FLYWCH1: variants seen among roughly 807,000 people sequenced by gnomAD.
The protein encoded by FLYWCH1 is FLYWCH-type zinc finger 1, also known as FLYWCH-type zinc finger-containing protein 1.
Under a neutral mutation model 66.4 loss-of-function variants are expected in FLYWCH1, and 75 were observed. The observed-to-expected ratio is 1.13, with a 90% confidence interval of 0.94 to 1.37. The LOEUF (loss-of-function observed/expected upper bound fraction) is 1.37. FLYWCH1 is among the 40% of genes most tolerant of loss of function. FLYWCH1 has a pLI of 0.00. For missense variants in FLYWCH1, 1,334 were observed against 1,001.8 expected (o/e 1.33, Z -4.48); for synonymous variants, 595 against 429.9 (o/e 1.38, Z -4.75).
chr16:2,939,780 G>T (rs1326365821), intron 8 of FLYWCH1: 3 of 409,088 alleles, frequency 7.3e-6, no homozygotes, highest in African/African-American at 4.1e-5. Flanking sequence ...TGGAGGCCTG[G>T]CCTTTCATCT....
intron 2 of FLYWCH1, among the ~76,000 whole-genome samples, chr16:2,914,875 C>A (rs569297105): frequency 2.7e-5 from 4 of 146,710 alleles, no homozygotes; most frequent in Non-Finnish European, 6.0e-5. Context: ...AGCCACTGCA[C>A]TCCAGCCTGG....
intron 4 of FLYWCH1, 36 bp from the exon 5 acceptor site, chr16:2,933,094 C>A: frequency 6.3e-7 from 1 of 1,580,470 alleles, no homozygotes; most frequent in Non-Finnish European, 8.6e-7. Flanking sequence ...CTCCTCTCCA[C>A]CCCTGGTGAT....
intron 2 of FLYWCH1, among the ~76,000 whole-genome samples, chr16:2,921,770 G>A (rs572072446): frequency 6.6e-6 from 1 of 151,794 alleles, no homozygotes; most frequent in Non-Finnish European, 1.5e-5. Flanking sequence ...AAAAATAAAA[G>A]GTATTCATTC....
intron 2 of FLYWCH1, among the ~76,000 whole-genome samples, chr16:2,924,026 C>T (rs2070470006): frequency 6.6e-6 from 1 of 151,888 alleles, no homozygotes; most frequent in Non-Finnish European, 1.5e-5. Context: ...ACAGAGAGAC[C>T]CTGTCTCAAA....
chr16:2,946,866 TG>T, intron 9 of FLYWCH1, among the ~76,000 whole-genome samples: 1 of 152,232 alleles, frequency 6.6e-6, no homozygotes, highest in South Asian at 2.1e-4. Flanking sequence ...GGTGACGACA[TG>T]GAGAAACTGG....
chr16:2,915,528 T>C (rs548646948), intron 2 of FLYWCH1: 1 of 152,326 alleles, frequency 6.6e-6, no homozygotes, highest in South Asian at 2.1e-4. Context: ...AAAAGAATTG[T>C]ATTTCCTTTG....
At chr16:2,934,313 C>G (rs757738000) in intron 6 of FLYWCH1, among the ~76,000 whole-genome samples, 23 of 152,172 alleles carry the variant, frequency 1.5e-4, no homozygotes, top group African/African-American at 5.6e-4. Flanking sequence ...TGGTCAGTCT[C>G]GTTGCTATGG....
chr16:2,915,873 G>T (rs1442536999), intron 2 of FLYWCH1, among the ~76,000 whole-genome samples: 1 of 151,982 alleles, frequency 6.6e-6, no homozygotes, highest in Non-Finnish European at 1.5e-5. Flanking sequence ...AAATGAATGT[G>T]CAAATGGAGG....
At chr16:2,937,032 G>C in intron 6 of FLYWCH1, 89 bp from the exon 7 acceptor site, 2 of 1,231,806 alleles carry the variant, frequency 1.6e-6, no homozygotes, top group Non-Finnish European at 1.1e-6. Flanking sequence ...AGGAGGTGTG[G>C]GCGTTGTGGG....
chr16:2,921,034 G>C (rs549140893), intron 2 of FLYWCH1, among the ~76,000 whole-genome samples: 1 of 151,138 alleles, frequency 6.6e-6, no homozygotes, highest in Admixed American at 6.6e-5. Flanking sequence ...GTAGAGACGG[G>C]GTTTCACTGT....
chr16:2,936,097 G>A (rs536216594), intron 6 of FLYWCH1: 7 of 256,346 alleles, frequency 2.7e-5, no homozygotes, highest in Admixed American at 5.0e-5. Flanking sequence ...TTTTTTAGTA[G>A]AGATGGGGTT....
At chr16:2,927,553 C>G (rs2070614183) in intron 2 of FLYWCH1, among the ~76,000 whole-genome samples, 1 of 152,202 alleles carries the variant, frequency 6.6e-6, no homozygotes, top group Admixed American at 6.5e-5. Flanking sequence ...ATGCATAAAG[C>G]TATCCTAATG....
At chr16:2,944,073 C>T (rs548709734) in intron 9 of FLYWCH1, among the ~76,000 whole-genome samples, 91 of 152,124 alleles carry the variant, frequency 6.0e-4, no homozygotes, top group African/African-American at 2.0e-3. Context: ...TCCAGCCCAG[C>T]GGACGGAGAG....
At chr16:2,939,314 G>T (rs139889972) in intron 8 of FLYWCH1, among the ~76,000 whole-genome samples, 1 of 152,126 alleles carries the variant, frequency 6.6e-6, no homozygotes, top group Non-Finnish European at 1.5e-5. Context: ...ACATGGTGAC[G>T]CATGCCTGTA....
chr16:2,934,062 C>T, intron 6 of FLYWCH1, 83 bp downstream of exon 6: 1 of 1,410,416 alleles, frequency 7.1e-7, no homozygotes, highest in South Asian at 1.5e-5. Flanking sequence ...GCTGCGGCTC[C>T]CCCTGGCAAA....
rs1189265013 is a variant in FLYWCH1 at position 2,933,617 on chromosome 16, C to T, written c.1249+35C>T. 5 of 1,565,624 alleles carry T rather than the reference C, an allele frequency of 3.2e-6. No individual in the cohort carries two copies. The South Asian group carries it at 4.8e-5, about 15-fold the overall frequency. On this transcript the variant is annotated intron_variant, in intron 5 of 9. Coordinates refer to ENST00000253928, the MANE Select transcript of FLYWCH1 (RefSeq NM_001308068.2). ...CTTCCTTTGGGGCTCACCGGCCCTG[C>T]CTTGACTCTTGCCTCCAGAGGTCCA...
chr16:2,937,443 C>A, intron 7 of FLYWCH1, 59 bp downstream of exon 7: 1 of 1,470,334 alleles, frequency 6.8e-7, no homozygotes, highest in Non-Finnish European at 9.0e-7. Flanking sequence ...GTGCCCCACA[C>A]GCTGGCTGGA....
intron 2 of FLYWCH1, among the ~76,000 whole-genome samples, chr16:2,918,440 C>G (rs2070250851): frequency 6.6e-6 from 1 of 151,030 alleles, no homozygotes; most frequent in Non-Finnish European, 1.5e-5. Flanking sequence ...AGCCACCGCG[C>G]CAGGCTTTTT....
chr16:2,913,748 C>G (rs1431649840), intron 1 of FLYWCH1, among the ~76,000 whole-genome samples: 5 of 152,212 alleles, frequency 3.3e-5, no homozygotes, highest in African/African-American at 1.2e-4. Flanking sequence ...CCCACTGAGC[C>G]TGTGATGTCA....
Sources: gnomAD v4.1 joint callset for allele counts (sites outside exome capture counted in the v4.1 genomes callset) on GRCh38, gnomAD v4.1.1 for gene constraint, MANE v1.5 for transcripts, NCBI Gene and HGNC (gene_info 2026-07-23, HGNC 2026-07-21) for gene names.